The following INPP4B variants were observed in gnomAD, a reference collection of about 807,000 sequenced individuals.
INPP4B encodes inositol polyphosphate-4-phosphatase type II B.
Under a neutral mutation model 122.5 loss-of-function variants are expected in INPP4B, and 55 were observed. The ratio of observed to expected loss-of-function variants is 0.45; its 90% CI spans 0.36 to 0.56. INPP4B has a LOEUF of 0.56. Ranked by LOEUF, INPP4B falls within the 20% of genes least tolerant of loss-of-function variation. The pLI is 0.00. For synonymous variants in INPP4B, 403 were observed against 388.7 expected (o/e 1.04, Z -0.43); for missense variants, 1,000 against 1,097.7 (o/e 0.91, Z 1.26).
intron 14 of INPP4B, 32 bp downstream of exon 14, chr4:142,208,393 T>C (rs780501378): frequency 8.7e-7 from 1 of 1,155,494 alleles, no homozygotes; most frequent in East Asian, 2.5e-5. Context: ...TGTAACATAA[T>C]TTGCTATTTT....
At chr4:142,755,916 T>G (rs1770443654) in intron 1 of INPP4B, among the ~76,000 whole-genome samples, 1 of 152,090 alleles carries the variant, frequency 6.6e-6, no homozygotes. Flanking sequence ...CCTTTGTTAT[T>G]GCTCACAGAA....
intron 2 of INPP4B, among the ~76,000 whole-genome samples, chr4:142,521,667 G>T (rs1826087170): frequency 6.6e-6 from 1 of 151,776 alleles, no homozygotes; most frequent in African/African-American, 2.4e-5. Context: ...GTCTGAAATT[G>T]GTATGTATTC....
At chr4:142,601,723 A>T (rs1295962764) in intron 2 of INPP4B, among the ~76,000 whole-genome samples, 1 of 152,004 alleles carries the variant, frequency 6.6e-6, no homozygotes, top group African/African-American at 2.4e-5. Flanking sequence ...TAATCCCAGC[A>T]CTTTGGGAGG....
intron 25 of INPP4B, among the ~76,000 whole-genome samples, chr4:142,048,645 C>G (rs753560614): frequency 6.6e-6 from 1 of 151,942 alleles, no homozygotes; most frequent in Non-Finnish European, 1.5e-5. Flanking sequence ...GGGAGAGCAA[C>G]AGAGAGGTGT....
chr4:142,633,551 A>G (rs1207918857), intron 2 of INPP4B, among the ~76,000 whole-genome samples: 2 of 152,194 alleles, frequency 1.3e-5, no homozygotes, highest in East Asian at 3.9e-4. Flanking sequence ...AGTGCAGTTA[A>G]GCAGCTAAGA....
At chr4:142,302,365 T>C (rs1452865186) in intron 9 of INPP4B, among the ~76,000 whole-genome samples, 1 of 152,190 alleles carries the variant, frequency 6.6e-6, no homozygotes, top group African/African-American at 2.4e-5. Flanking sequence ...AGGTATGTGA[T>C]ATGTGATATG....
At chr4:142,316,903 G>A (rs1191650771) in intron 7 of INPP4B, among the ~76,000 whole-genome samples, 1 of 152,164 alleles carries the variant, frequency 6.6e-6, no homozygotes, top group East Asian at 1.9e-4. Context: ...AGCAAGCACT[G>A]GATGTGCCAG....
intron 2 of INPP4B, among the ~76,000 whole-genome samples, chr4:142,468,429 C>T (rs540771882): frequency 1.3e-5 from 2 of 152,302 alleles, no homozygotes; most frequent in South Asian, 4.1e-4. Flanking sequence ...GCAAATTCTG[C>T]AATATGGCTG....
At chr4:142,781,857 T>G (rs1027635951) in intron 1 of INPP4B, among the ~76,000 whole-genome samples, 1 of 151,928 alleles carries the variant, frequency 6.6e-6, no homozygotes, top group African/African-American at 2.4e-5. Context: ...AATAAGAATC[T>G]AATTACTGCC....
At chr4:142,042,554 GTATGTATTTATT>G (rs768197333) in intron 25 of INPP4B, among the ~76,000 whole-genome samples, 505 of 32,742 alleles carry the variant, frequency 0.015, 3 homozygotes, top group African/African-American at 0.026. Flanking sequence ...ATGTATGTAT[GTATGTATTTATT>G]TATTTATTTA....
intron 5 of INPP4B, among the ~76,000 whole-genome samples, chr4:142,412,501 A>C (rs1804833336): frequency 2.0e-5 from 3 of 152,302 alleles, no homozygotes; most frequent in African/African-American, 7.2e-5. Flanking sequence ...TATATATAGT[A>C]AAATGACAGA....
intron 1 of INPP4B, among the ~76,000 whole-genome samples, chr4:142,825,408 G>C (rs904529700): frequency 1.3e-5 from 2 of 152,038 alleles, no homozygotes; most frequent in African/African-American, 4.8e-5. Context: ...TTTATTACCA[G>C]CAAGTTGTTT....
chr4:142,806,055 G>T (rs932745274), intron 1 of INPP4B, among the ~76,000 whole-genome samples: 2 of 151,994 alleles, frequency 1.3e-5, no homozygotes, highest in South Asian at 4.1e-4. Context: ...CTAGGCGGGC[G>T]GATCACGAGG....
intron 2 of INPP4B, among the ~76,000 whole-genome samples, chr4:142,515,893 G>A (rs545375384): frequency 2.0e-5 from 3 of 152,068 alleles, no homozygotes; most frequent in African/African-American, 4.8e-5. Flanking sequence ...TGCTTAATTA[G>A]ACAATAAATC....
intron 2 of INPP4B, among the ~76,000 whole-genome samples, chr4:142,548,338 T>C (rs913660252): frequency 6.6e-6 from 1 of 151,920 alleles, no homozygotes; most frequent in Admixed American, 6.6e-5. Context: ...GGAACAACAA[T>C]GAAAGTATTC....
chr4:142,703,592 A>G (rs1762082522), intron 2 of INPP4B, among the ~76,000 whole-genome samples: 1 of 152,200 alleles, frequency 6.6e-6, no homozygotes, highest in African/African-American at 2.4e-5. Context: ...TTTGATGTTT[A>G]TGGGTATATA....
chr4:142,092,811 T>C (rs1330723129), intron 23 of INPP4B, among the ~76,000 whole-genome samples: 1 of 152,180 alleles, frequency 6.6e-6, no homozygotes, highest in Non-Finnish European at 1.5e-5. Context: ...ATGTGTACTG[T>C]TGATTTAGAA....
At chr4:142,399,337 C>T (rs1379330544) in intron 7 of INPP4B, among the ~76,000 whole-genome samples, 3 of 151,780 alleles carry the variant, frequency 2.0e-5, no homozygotes, top group Non-Finnish European at 4.4e-5. Flanking sequence ...GCTGGGATTA[C>T]AGGCGTGTGC....
chr4:142,286,927 G>T (rs972929310), intron 9 of INPP4B: 2 of 152,092 alleles, frequency 1.3e-5, no homozygotes, highest in Non-Finnish European at 2.9e-5. Context: ...TGTCTCAACA[G>T]CCCACTACTG....
Sources: allele counts gnomAD v4.1 joint callset (sites outside exome capture counted in the v4.1 genomes callset), GRCh38; gene constraint gnomAD v4.1.1; transcripts MANE v1.5; gene names NCBI Gene and HGNC (gene_info 2026-07-23, HGNC 2026-07-21).